Variants in MTMR2 observed in about 807,000 individuals in gnomAD.
MTMR2 encodes phosphatidylinositol-3,5-bisphosphate 3-phosphatase MTMR2.
In MTMR2, 55 loss-of-function variants were observed where a neutral mutation model predicts 86.9. The ratio of observed to expected loss-of-function variants is 0.63; its 90% CI spans 0.51 to 0.79. The LOEUF is 0.79. Among genes scored for constraint, MTMR2 ranks in the 30% least tolerant of loss-of-function variants. The pLI, the probability that MTMR2 is intolerant of heterozygous loss-of-function variation, is 0.00. For synonymous variants in MTMR2, 241 were observed against 266.8 expected, an observed-to-expected ratio of 0.90 and a Z score of 0.94; for missense variants, 659 against 772.3, an observed-to-expected ratio of 0.85 and a Z score of 1.74.
chr11:95,920,036 C>G (rs932479992), intron 1 of MTMR2, among the ~76,000 whole-genome samples: 1 of 152,182 alleles, frequency 6.6e-6, no homozygotes, highest in Non-Finnish European at 1.5e-5. Flanking sequence ...CTCAAGCCTA[C>G]TCTTATTATC....
At chr11:95,868,637 T>C (rs1332555812) in intron 2 of MTMR2, among the ~76,000 whole-genome samples, 1 of 151,964 alleles carries the variant, frequency 6.6e-6, no homozygotes, top group African/African-American at 2.4e-5. Flanking sequence ...ATAATTGATG[T>C]TGATCAGAAG....
At chr11:95,841,544 G>A in intron 12 of MTMR2, 73 bp downstream of exon 12, 2 of 1,074,822 alleles carry the variant, frequency 1.9e-6, no homozygotes, top group Non-Finnish European at 2.9e-6. Context: ...AGGCTAATCA[G>A]TGACCAAATC....
At chr11:95,846,504 G>A (rs1321609236) in intron 10 of MTMR2, among the ~76,000 whole-genome samples, 2 of 152,162 alleles carry the variant, frequency 1.3e-5, no homozygotes, top group Non-Finnish European at 2.9e-5. Flanking sequence ...TAAAGAGGCT[G>A]GGAAAGGTCT....
chr11:95,848,351 A>C (rs190644840), intron 9 of MTMR2, among the ~76,000 whole-genome samples: 1 of 152,106 alleles, frequency 6.6e-6, no homozygotes, highest in African/African-American at 2.4e-5. Flanking sequence ...TTTAATCTTC[A>C]TATCTGAGAA....
chr11:95,844,185 T>G (rs528419742), intron 11 of MTMR2, among the ~76,000 whole-genome samples: 27 of 152,320 alleles, frequency 1.8e-4, no homozygotes, highest in African/African-American at 6.0e-4. Flanking sequence ...TAAAACTTGA[T>G]TCTTTGAAGT....
intron 9 of MTMR2, among the ~76,000 whole-genome samples, chr11:95,848,279 TG>T (rs1445860676): frequency 6.6e-6 from 1 of 152,210 alleles, no homozygotes; most frequent in Non-Finnish European, 1.5e-5. Flanking sequence ...GTAAGTTTCA[TG>T]TGCTGAGACC....
At chr11:95,904,163 C>A (rs1866172725) in intron 1 of MTMR2, among the ~76,000 whole-genome samples, 1 of 151,916 alleles carries the variant, frequency 6.6e-6, no homozygotes, top group South Asian at 2.1e-4. Flanking sequence ...AAACAAAATC[C>A]CTCATTAAAC....
intron 2 of MTMR2, among the ~76,000 whole-genome samples, chr11:95,870,009 G>A (rs1864793675): frequency 6.6e-6 from 1 of 152,038 alleles, no homozygotes; most frequent in Admixed American, 6.6e-5. Context: ...CTCATAGAAT[G>A]TACACTTAAG....
At chr11:95,903,503 C>T (rs931432636) in intron 1 of MTMR2, among the ~76,000 whole-genome samples, 28 of 152,142 alleles carry the variant, frequency 1.8e-4, no homozygotes, top group Admixed American at 1.0e-3. Context: ...CACCACAGAG[C>T]GTGGACTCAT....
At chr11:95,890,771 G>A (rs903712059) in intron 1 of MTMR2, among the ~76,000 whole-genome samples, 1 of 152,230 alleles carries the variant, frequency 6.6e-6, no homozygotes, top group African/African-American at 2.4e-5. Flanking sequence ...GAGCACAGCT[G>A]TGTGTGCCTG....
chr11:95,862,881 A>T (rs1252483842), intron 3 of MTMR2, among the ~76,000 whole-genome samples: 1 of 152,224 alleles, frequency 6.6e-6, no homozygotes, highest in African/African-American at 2.4e-5. Flanking sequence ...TTACAGGTGA[A>T]ATGACACACA....
At chr11:95,863,350 G>A (rs564590467) in intron 3 of MTMR2, among the ~76,000 whole-genome samples, 7 of 152,216 alleles carry the variant, frequency 4.6e-5, no homozygotes, top group African/African-American at 7.2e-5. Context: ...TCAACACTTC[G>A]AAGGACTGGC....
intron 1 of MTMR2, among the ~76,000 whole-genome samples, chr11:95,899,734 G>C (rs1866003931): frequency 6.6e-6 from 1 of 152,046 alleles, no homozygotes; most frequent in Admixed American, 6.6e-5. Flanking sequence ...GCTGGCCAGT[G>C]ACTTGTTAGT....
intron 1 of MTMR2, among the ~76,000 whole-genome samples, chr11:95,907,473 C>T (rs910453423): frequency 6.6e-6 from 1 of 151,854 alleles, no homozygotes; most frequent in Non-Finnish European, 1.5e-5. Flanking sequence ...GAAACTATTC[C>T]CCCCAAAAAA....
At chr11:95,906,333 C>G (rs569688634) in intron 1 of MTMR2, among the ~76,000 whole-genome samples, 1 of 152,136 alleles carries the variant, frequency 6.6e-6, no homozygotes. Context: ...GGATTCAATT[C>G]AACAAGAAGA....
chr11:95,888,744 C>T (rs1040712295), intron 1 of MTMR2, among the ~76,000 whole-genome samples: 2 of 150,198 alleles, frequency 1.3e-5, no homozygotes, highest in African/African-American at 2.5e-5. Flanking sequence ...CACACACAAA[C>T]ACCCCACATA....
At chr11:95,853,872 G>A (rs1232666517) in intron 7 of MTMR2, among the ~76,000 whole-genome samples, 1 of 152,126 alleles carries the variant, frequency 6.6e-6, no homozygotes, top group East Asian at 1.9e-4. Flanking sequence ...TAGAAAACAT[G>A]GAGTCAGAGC....
chr11:95,878,669 T>G (rs492646), intron 2 of MTMR2, among the ~76,000 whole-genome samples: 9,476 of 152,110 alleles, frequency 0.062, 860 homozygotes, highest in African/African-American at 0.2. Context: ...TTTTGTCCTG[T>G]CTCATCCTTT....
At chr11:95,871,954 G>A (rs2135503783) in intron 2 of MTMR2, among the ~76,000 whole-genome samples, 1 of 152,226 alleles carries the variant, frequency 6.6e-6, no homozygotes, top group African/African-American at 2.4e-5. Flanking sequence ...TCTACATATG[G>A]CTAGCCAGTT....
Sources: allele counts gnomAD v4.1 joint callset (sites outside exome capture counted in the v4.1 genomes callset), GRCh38; gene constraint gnomAD v4.1.1; transcripts MANE v1.5; gene names NCBI Gene and HGNC (gene_info 2026-07-23, HGNC 2026-07-21).